Variants in SNAP25 observed in about 807,000 individuals in gnomAD.
SNAP25 encodes synaptosomal-associated protein 25.
In SNAP25, 3 loss-of-function variants were observed where a neutral mutation model predicts 28.7. The ratio of observed to expected loss-of-function variants is 0.10; its 90% CI spans 0.05 to 0.27. The LOEUF is 0.27. SNAP25 is among the 10% of genes least tolerant of loss of function. SNAP25 has a pLI of 1.00. For missense variants in SNAP25, 117 were observed against 278.7 expected, an observed-to-expected ratio of 0.42 and a Z score of 4.13; for synonymous variants, 61 against 88.1, an observed-to-expected ratio of 0.69 and a Z score of 1.72.
intron 1 of SNAP25, among the ~76,000 whole-genome samples, chr20:10,243,920 CA>C (rs202045299): frequency 0.014 from 2,090 of 152,130 alleles, 45 homozygotes; most frequent in African/African-American, 0.047. Context: ...AAACTATCTT[CA>C]TCTCTTTGCC....
chr20:10,243,894 C>T (rs1329376909), intron 1 of SNAP25, among the ~76,000 whole-genome samples: 2 of 152,048 alleles, frequency 1.3e-5, no homozygotes, highest in African/African-American at 2.4e-5. Context: ...CTATGAGACA[C>T]ATTTTTATGG....
Position 10,275,569 on chromosome 20 carries a change from G to C in SNAP25, c.72+6G>C. On this transcript the variant is annotated splice_donor_region_variant and intron_variant, in intron 2 of 7. Coordinates refer to ENST00000254976, the MANE Select transcript of SNAP25 (RefSeq NM_130811.4). ...CTGACCAGTTGGCTGATGAGGTAAG[G>C]AGTGGAGACCTAGGAAGGGAGGCAA... is the stretch of plus-strand genomic sequence containing the variant. The C allele has an allele frequency of 6.3e-7, 1 of 1,593,490 alleles. No homozygotes were observed. The highest frequency in any genetic ancestry group is 2.3e-5 in the East Asian group (1 of 44,406).
At chr20:10,236,121 T>A (rs78242380) in intron 1 of SNAP25, among the ~76,000 whole-genome samples, 6 of 152,320 alleles carry the variant, frequency 3.9e-5, no homozygotes, top group Non-Finnish European at 5.9e-5. Flanking sequence ...CCTCTGCCCA[T>A]CCATCCTGTG....
intron 4 of SNAP25, among the ~76,000 whole-genome samples, chr20:10,286,574 A>T (rs2063884175): frequency 6.6e-6 from 1 of 152,166 alleles, no homozygotes; most frequent in South Asian, 2.1e-4. Flanking sequence ...CATTGGCTTG[A>T]AGCATCCCAG....
intron 1 of SNAP25, among the ~76,000 whole-genome samples, chr20:10,263,009 CTTTTTTTTTTTTTTTTTT>C (rs57690835): frequency 2.0e-5 from 1 of 50,634 alleles, no homozygotes; most frequent in Admixed American, 3.4e-4. Context: ...CTGGGGTGCT[CTTTTTTTTTTTTTTTTTT>C]TTTTTTTTTG....
At chr20:10,299,115 A>G (rs993247079) in intron 6 of SNAP25, among the ~76,000 whole-genome samples, 153 bp from the exon 7 acceptor site, 3 of 152,160 alleles carry the variant, frequency 2.0e-5, no homozygotes, top group Non-Finnish European at 4.4e-5. Context: ...TTTTAAATGT[A>G]TGAAAGCTAA....
Position 10,275,504 on chromosome 20 carries a change from G to A in SNAP25, c.13G>A (p.Ala5Thr), listed in dbSNP as rs201770060. The A allele has an allele frequency of 8.0e-5, 129 of 1,604,686 alleles. No homozygotes were observed. Among genetic ancestry groups the A allele is most frequent in the Non-Finnish European group, 9.8e-5 (115 of 1,175,290 alleles). MAED[A>T]DMRNELEEMQ... ...CCCCACCGCTACCATGGCCGAAGAC[G>A]CAGACATGCGCAATGAGCTGGAGGA... Residue 5 changes from alanine (A) to threonine (T), a missense_variant, in exon 2 of 8, where the codon GCA (alanine) becomes ACA (threonine). By Grantham distance (58) the Ala-to-Thr change is moderately conservative. This residue lies in a region of SNAP25 where 29 missense variants were observed against 53.5 expected (regional missense o/e 0.54). Coordinates refer to ENST00000254976, the MANE Select transcript of SNAP25 (RefSeq NM_130811.4).
At chr20:10,236,202 A>G (rs1017276753) in intron 1 of SNAP25, among the ~76,000 whole-genome samples, 1 of 152,154 alleles carries the variant, frequency 6.6e-6, no homozygotes, top group Non-Finnish European at 1.5e-5. Flanking sequence ...CTGTCCCCAT[A>G]GACCTTGGAG....
chr20:10,236,953 AAAATACATAAAT>A (rs1191258947), intron 1 of SNAP25, among the ~76,000 whole-genome samples: 83 of 111,574 alleles, frequency 7.4e-4, no homozygotes, highest in African/African-American at 2.3e-3. Context: ...CCTCCAAAGG[AAAATACATAAAT>A]AAATAAATAA....
intron 1 of SNAP25, among the ~76,000 whole-genome samples, chr20:10,219,993 A>T (rs2062598885): frequency 6.6e-6 from 1 of 152,168 alleles, no homozygotes; most frequent in African/African-American, 2.4e-5. Flanking sequence ...ACATTTTTTA[A>T]AAAATATGGA....
At chr20:10,282,585 A>G (rs2063800506) in intron 3 of SNAP25, among the ~76,000 whole-genome samples, 1 of 152,250 alleles carries the variant, frequency 6.6e-6, no homozygotes. Flanking sequence ...AATGGGTATA[A>G]TAGAATATCA....
intron 1 of SNAP25, among the ~76,000 whole-genome samples, chr20:10,269,151 C>A (rs2063552219): frequency 6.6e-6 from 1 of 152,208 alleles, no homozygotes. Context: ...TGTCTCACGC[C>A]TGTAACCCGG....
intron 3 of SNAP25, 115 bp downstream of exon 3, chr20:10,277,841 T>C (rs2063716973): frequency 4.1e-6 from 4 of 975,752 alleles, no homozygotes; most frequent in Non-Finnish European, 6.4e-6. Flanking sequence ...AGTGTGGATG[T>C]AGCCTATCAG....
At chr20:10,274,196 T>C (rs1364455705) in intron 1 of SNAP25, among the ~76,000 whole-genome samples, 1 of 152,176 alleles carries the variant, frequency 6.6e-6, no homozygotes, top group Non-Finnish European at 1.5e-5. Context: ...ACCTGTCATT[T>C]GTACCATGTG....
intron 1 of SNAP25, among the ~76,000 whole-genome samples, chr20:10,251,189 T>C (rs2063220000): frequency 6.6e-6 from 1 of 152,208 alleles, no homozygotes; most frequent in Non-Finnish European, 1.5e-5. Context: ...ACTAAAAGGA[T>C]GCTGGTGGAG....
chr20:10,302,769 A>G (rs1184630187), intron 7 of SNAP25, among the ~76,000 whole-genome samples: 1 of 151,656 alleles, frequency 6.6e-6, no homozygotes, highest in Non-Finnish European at 1.5e-5. Flanking sequence ...GACATCTACA[A>G]GGAGATTCCA....
intron 1 of SNAP25, among the ~76,000 whole-genome samples, chr20:10,268,548 A>G (rs1294075883): frequency 2.6e-5 from 4 of 152,120 alleles, no homozygotes; most frequent in Non-Finnish European, 4.4e-5. Flanking sequence ...CCATGTCTCT[A>G]TTCACTTTGT....
intron 7 of SNAP25, among the ~76,000 whole-genome samples, chr20:10,303,603 A>C (rs1328570084): frequency 1.3e-5 from 2 of 152,178 alleles, no homozygotes; most frequent in Non-Finnish European, 2.9e-5. Flanking sequence ...AGAGAAAAAC[A>C]GTTTGGTTTC....
chr20:10,264,416 C>T (rs2063471463), intron 1 of SNAP25, among the ~76,000 whole-genome samples: 1 of 152,188 alleles, frequency 6.6e-6, no homozygotes, highest in Non-Finnish European at 1.5e-5. Context: ...GCTAGTGCCT[C>T]TTCTCAGAGA....
Sources: allele counts gnomAD v4.1 joint callset (sites outside exome capture counted in the v4.1 genomes callset), GRCh38; gene constraint gnomAD v4.1.1; regional missense constraint gnomAD v4.1.1; transcripts MANE v1.5; gene names NCBI Gene and HGNC (gene_info 2026-07-23, HGNC 2026-07-21).